CLVS2: variants seen among roughly 807,000 people sequenced by gnomAD.
The protein encoded by CLVS2 is clavesin-2.
A neutral mutation model predicts 29.0 loss-of-function variants in CLVS2; 19 were observed. That is an observed-to-expected ratio of 0.66 (90% CI 0.46 to 0.96). CLVS2 has a LOEUF of 0.96. Among genes scored for constraint, CLVS2 ranks in the 40% least tolerant of loss-of-function variants. CLVS2 has a pLI of 0.00. For synonymous variants in CLVS2, 161 were observed against 151.3 expected, an observed-to-expected ratio of 1.06 and a Z score of -0.47; for missense variants, 294 against 404.1, an observed-to-expected ratio of 0.73 and a Z score of 2.34.
At chr6:123,006,596 A>T (rs1460264695) in intron 2 of CLVS2, among the ~76,000 whole-genome samples, 1 of 152,214 alleles carries the variant, frequency 6.6e-6, no homozygotes, top group Non-Finnish European at 1.5e-5. Context: ...CTTGGTGAAT[A>T]AATGTAGAGG....
intron 3 of CLVS2, among the ~76,000 whole-genome samples, chr6:123,023,055 T>C (rs760723642): frequency 6.6e-6 from 1 of 152,136 alleles, no homozygotes; most frequent in African/African-American, 2.4e-5. Flanking sequence ...GGAAACTGTG[T>C]TCCAGTTTTA....
chr6:123,008,604 T>G (rs1429955395), intron 2 of CLVS2, among the ~76,000 whole-genome samples: 1 of 152,164 alleles, frequency 6.6e-6, no homozygotes, highest in Non-Finnish European at 1.5e-5. Flanking sequence ...AACCTCATAA[T>G]GAGGGAAACC....
At position 123,068,702 on chromosome 6, in the gene CLVS2, G is replaced by A. The variant is rs1449096022; in HGVS notation, c.*4941G>A. On this transcript the variant is annotated 3_prime_UTR_variant, in exon 6 of 6. Coordinates refer to ENST00000275162, the MANE Select transcript of CLVS2 (RefSeq NM_001010852.4). ...TTGAAGAATACTGAGTATATTATTTGCTATTTTACTCAAATGTTATTAATT... is the reference window on the plus strand; with the variant it reads ...TTGAAGAATACTGAGTATATTATTTACTATTTTACTCAAATGTTATTAATT... 3 of 151,590 alleles carry A rather than the reference G, an allele frequency of 2.0e-5. No individual in the cohort carries two copies. The highest frequency in any genetic ancestry group is 4.4e-5 in the Non-Finnish European group (3 of 67,710). The allele number at this position is 151,590 out of a possible 1,614,324, so 9.4% of individuals were successfully genotyped here. A position where few individuals can be genotyped will look rare whatever the true frequency, so the allele number is the denominator to read the frequency against.
intron 2 of CLVS2, among the ~76,000 whole-genome samples, chr6:123,007,720 A>T (rs551703705): frequency 6.6e-6 from 1 of 152,310 alleles, no homozygotes; most frequent in Non-Finnish European, 1.5e-5. Flanking sequence ...ACTGCATGCT[A>T]CACAGCATTC....
At chr6:123,012,179 C>T (rs1230799186) in intron 3 of CLVS2, among the ~76,000 whole-genome samples, 1 of 151,956 alleles carries the variant, frequency 6.6e-6, no homozygotes, top group Non-Finnish European at 1.5e-5. Flanking sequence ...CCTCTCTTAT[C>T]TTAAACAATG....
At chr6:123,034,517 A>C (rs559297092) in intron 3 of CLVS2, among the ~76,000 whole-genome samples, 5 of 152,254 alleles carry the variant, frequency 3.3e-5, no homozygotes, top group African/African-American at 1.2e-4. Context: ...AAATCCATCA[A>C]AATTACAGAG....
intron 3 of CLVS2, among the ~76,000 whole-genome samples, chr6:123,026,960 C>A (rs945230120): frequency 3.3e-5 from 5 of 152,026 alleles, no homozygotes; most frequent in African/African-American, 1.2e-4. Flanking sequence ...CAACAAATGG[C>A]AAAATAAGTT....
rs534881286 is a variant in CLVS2 at position 123,071,703 on chromosome 6, T to A, written c.*7942T>A. On this transcript the variant is annotated 3_prime_UTR_variant, in exon 6 of 6. Transcript: ENST00000275162. ...AAAGGAAAGACATTGTGTTCGTATC[T>A]TCTCTGCAACAATTATAAAATGAAT... is the stretch of plus-strand genomic sequence containing the variant. The A allele has an allele frequency of 6.6e-6, 1 of 152,174 alleles. No individual in the cohort carries two copies. The highest frequency in any genetic ancestry group is 2.1e-4 in the South Asian group (1 of 4,830). The allele number at this position is 152,174 out of a possible 1,614,324, so 9.4% of individuals were successfully genotyped here. A position where few individuals can be genotyped will look rare whatever the true frequency, so the allele number is the denominator to read the frequency against.
chr6:123,054,411 A>C (rs990053263), intron 4 of CLVS2, among the ~76,000 whole-genome samples: 1 of 152,102 alleles, frequency 6.6e-6, no homozygotes, highest in African/African-American at 2.4e-5. Flanking sequence ...GCCTCATGTC[A>C]TGTACTCCAG....
chr6:123,023,331 T>C (rs1774951435), intron 3 of CLVS2, among the ~76,000 whole-genome samples: 1 of 152,058 alleles, frequency 6.6e-6, no homozygotes, highest in Admixed American at 6.6e-5. Context: ...TCTCACAGTT[T>C]ATGTGTTTGA....
chr6:123,027,294 C>A (rs1775016969), intron 3 of CLVS2, among the ~76,000 whole-genome samples: 1 of 152,072 alleles, frequency 6.6e-6, no homozygotes, highest in South Asian at 2.1e-4. Context: ...TATACTTTCA[C>A]CCTATAAATA....
intron 2 of CLVS2, 86 bp downstream of exon 2, chr6:122,998,252 T>G (rs1415204154): frequency 6.9e-7 from 1 of 1,440,782 alleles, no homozygotes. Flanking sequence ...TTTTGTAGAT[T>G]TGATATTTTT....
chr6:123,060,846 C>T (rs1436638999), intron 5 of CLVS2, among the ~76,000 whole-genome samples: 1 of 152,214 alleles, frequency 6.6e-6, no homozygotes. Context: ...CTGTTATTAG[C>T]AACTGGAGTT....
intron 3 of CLVS2, among the ~76,000 whole-genome samples, chr6:123,020,347 T>C (rs1774902413): frequency 2.0e-5 from 3 of 152,082 alleles, no homozygotes; most frequent in African/African-American, 7.2e-5. Context: ...CAAAAAGTTT[T>C]GAATATTGGA....
At chr6:123,040,987 G>A (rs1472519373) in intron 3 of CLVS2, among the ~76,000 whole-genome samples, 2 of 151,906 alleles carry the variant, frequency 1.3e-5, no homozygotes, top group Non-Finnish European at 2.9e-5. Flanking sequence ...CCATAGGCAG[G>A]TGACAGTTGT....
At chr6:123,052,919 A>G (rs924785663) in intron 4 of CLVS2, among the ~76,000 whole-genome samples, 2 of 150,008 alleles carry the variant, frequency 1.3e-5, no homozygotes, top group Admixed American at 6.6e-5. Context: ...CAAGACATAT[A>G]TTTCTAGTGC....
At chr6:123,033,141 G>A (rs993134051) in intron 3 of CLVS2, among the ~76,000 whole-genome samples, 1 of 152,044 alleles carries the variant, frequency 6.6e-6, no homozygotes, top group South Asian at 2.1e-4. Context: ...GGTTCATGAA[G>A]ATGAAAAATT....
intron 5 of CLVS2, among the ~76,000 whole-genome samples, chr6:123,057,334 CTTTTTTTTT>C (rs71541220): frequency 3.6e-5 from 3 of 83,688 alleles, no homozygotes; most frequent in African/African-American, 9.2e-5. Flanking sequence ...GGATGGTCTT[CTTTTTTTTT>C]TTTTTTTTTT....
Position 123,069,382 on chromosome 6 carries a change from G to A in CLVS2, c.*5621G>A, listed in dbSNP as rs564906333. 5.9e-5 allele frequency: 9 copies of A among 151,846 alleles called. No homozygotes were observed. The South Asian group carries it at 1.7e-3, about 28-fold the overall frequency. 9.4% of individuals were successfully genotyped at this position (151,846 alleles called of 1,614,324 possible). A position where few individuals can be genotyped will look rare whatever the true frequency, so the allele number is the denominator to read the frequency against. ...AAAAAAAAAATTCAGCCTGATTTGA[G>A]AAAGAATGCTTACTCAATAAATATG... On this transcript the variant is annotated 3_prime_UTR_variant, in exon 6 of 6. Coordinates refer to ENST00000275162, the MANE Select transcript of CLVS2 (RefSeq NM_001010852.4).
Sources: gnomAD v4.1 joint callset for allele counts (sites outside exome capture counted in the v4.1 genomes callset) on GRCh38, gnomAD v4.1.1 for gene constraint, MANE v1.5 for transcripts, NCBI Gene and HGNC (gene_info 2026-07-23, HGNC 2026-07-21) for gene names.